CDH13: variants seen among roughly 807,000 people sequenced by gnomAD.
CDH13 encodes the protein cadherin 13, also known as cadherin-13.
In CDH13, 24 loss-of-function variants were observed where a neutral mutation model predicts 63.8. The ratio of observed to expected loss-of-function variants is 0.38; its 90% CI spans 0.27 to 0.53. The LOEUF (loss-of-function observed/expected upper bound fraction) is 0.53. Ranked by LOEUF, CDH13 falls within the 20% of genes least tolerant of loss-of-function variation. The pLI, the probability that CDH13 is intolerant of heterozygous loss-of-function variation, is 0.85. For synonymous variants in CDH13, 503 were observed against 355.3 expected (o/e 1.42, Z -4.67); for missense variants, 1,049 against 903.1 (o/e 1.16, Z -2.07).
At chr16:83,421,810 T>A (rs1384517885) in intron 6 of CDH13, among the ~76,000 whole-genome samples, 2 of 152,218 alleles carry the variant, frequency 1.3e-5, no homozygotes, top group African/African-American at 4.8e-5. Context: ...ACATCAGTGT[T>A]CTTTCAGACA....
intron 2 of CDH13, among the ~76,000 whole-genome samples, chr16:82,930,513 A>C (rs954747073): frequency 6.6e-6 from 1 of 152,164 alleles, no homozygotes; most frequent in Admixed American, 6.5e-5. Context: ...TGCCAAATAT[A>C]GATACATATC....
intron 13 of CDH13, among the ~76,000 whole-genome samples, chr16:83,791,015 A>G (rs1194481829): frequency 6.6e-6 from 1 of 152,164 alleles, no homozygotes; most frequent in Non-Finnish European, 1.5e-5. Flanking sequence ...GACACAATAA[A>G]GAAATTTAAA....
intron 2 of CDH13, among the ~76,000 whole-genome samples, chr16:82,961,126 C>T (rs779817259): frequency 3.3e-5 from 5 of 152,270 alleles, no homozygotes; most frequent in African/African-American, 7.2e-5. Flanking sequence ...GGCGCCAGCA[C>T]GGAGCAGCTG....
At chr16:83,680,306 G>A (rs1567510849) in intron 10 of CDH13, among the ~76,000 whole-genome samples, 1 of 152,164 alleles carries the variant, frequency 6.6e-6, no homozygotes, top group African/African-American at 2.4e-5. Context: ...CCTGCTCCAG[G>A]CACCTTGGCT....
At chr16:82,768,755 G>A (rs748440906) in intron 1 of CDH13, among the ~76,000 whole-genome samples, 10 of 152,166 alleles carry the variant, frequency 6.6e-5, no homozygotes, top group Admixed American at 2.0e-4. Flanking sequence ...TGAACATCAG[G>A]CTCTGACCTC....
intron 4 of CDH13, among the ~76,000 whole-genome samples, chr16:83,201,419 C>T (rs1032435690): frequency 2.3e-4 from 34 of 149,636 alleles, no homozygotes; most frequent in Non-Finnish European, 4.3e-4. Context: ...ATAAGGTGGC[C>T]AGGGAAGTCC....
At chr16:83,343,487 T>C (rs570181341) in intron 5 of CDH13, among the ~76,000 whole-genome samples, 3 of 152,320 alleles carry the variant, frequency 2.0e-5, no homozygotes, top group Admixed American at 6.5e-5. Context: ...TCAGGAGTGG[T>C]ATAAAAACGG....
intron 5 of CDH13, among the ~76,000 whole-genome samples, chr16:83,323,235 T>TTCC (rs2090279144): frequency 2.9e-4 from 41 of 140,970 alleles, no homozygotes; most frequent in African/African-American, 1.1e-3. Flanking sequence ...TCTTTCTTTC[T>TTCC]TTCTTTCCTT....
chr16:83,288,414 G>A (rs917426406), intron 5 of CDH13, among the ~76,000 whole-genome samples: 2 of 152,210 alleles, frequency 1.3e-5, no homozygotes, highest in East Asian at 1.9e-4. Flanking sequence ...TAGGCATAAA[G>A]CCTATTGCTT....
intron 5 of CDH13, among the ~76,000 whole-genome samples, chr16:83,304,108 G>A (rs1037238003): frequency 5.3e-5 from 8 of 152,182 alleles, no homozygotes; most frequent in Admixed American, 1.3e-4. Flanking sequence ...GACTATGGGG[G>A]TAGCGCAGAG....
intron 1 of CDH13, among the ~76,000 whole-genome samples, chr16:82,830,101 C>G (rs551969954): frequency 6.6e-6 from 1 of 151,882 alleles, no homozygotes; most frequent in East Asian, 1.9e-4. Context: ...TTTTTTTCCC[C>G]CAGATGAGGG....
intron 5 of CDH13, among the ~76,000 whole-genome samples, chr16:83,235,458 C>T (rs1362512610): frequency 2.6e-5 from 4 of 152,178 alleles, no homozygotes; most frequent in Non-Finnish European, 4.4e-5. Context: ...CAGCTGGAAT[C>T]GTGGCATGTC....
intron 2 of CDH13, among the ~76,000 whole-genome samples, chr16:82,942,130 A>G (rs1313494804): frequency 6.6e-6 from 1 of 152,178 alleles, no homozygotes; most frequent in Non-Finnish European, 1.5e-5. Flanking sequence ...CCAAGGTCAC[A>G]GACATTCTCC....
chr16:83,562,247 G>A (rs890786074), intron 7 of CDH13, among the ~76,000 whole-genome samples: 1 of 152,162 alleles, frequency 6.6e-6, no homozygotes, highest in Non-Finnish European at 1.5e-5. Context: ...TCAAATTCTT[G>A]ATTGTGTTAG....
At chr16:83,402,964 C>G (rs2091989914) in intron 6 of CDH13, among the ~76,000 whole-genome samples, 1 of 152,030 alleles carries the variant, frequency 6.6e-6, no homozygotes, top group African/African-American at 2.4e-5. Flanking sequence ...ACAATCTGCC[C>G]TTCAGGAGGA....
intron 10 of CDH13, among the ~76,000 whole-genome samples, chr16:83,706,208 C>T (rs751379606): frequency 6.6e-6 from 1 of 152,196 alleles, no homozygotes; most frequent in Admixed American, 6.5e-5. Context: ...CTCCACGAGG[C>T]CTGGGCTCTC....
At chr16:83,561,179 G>A (rs1257561347) in intron 7 of CDH13, among the ~76,000 whole-genome samples, 1 of 152,054 alleles carries the variant, frequency 6.6e-6, no homozygotes, top group Non-Finnish European at 1.5e-5. Flanking sequence ...GGGCGCAGTG[G>A]CTCACACATA....
At chr16:83,327,929 G>A (rs183922132) in intron 5 of CDH13, among the ~76,000 whole-genome samples, 8 of 152,118 alleles carry the variant, frequency 5.3e-5, no homozygotes, top group Non-Finnish European at 1.0e-4. Context: ...TCAGGAGATC[G>A]AGACCATCCT....
At chr16:83,385,228 T>G (rs371757064) in intron 6 of CDH13, among the ~76,000 whole-genome samples, 6 of 152,372 alleles carry the variant, frequency 3.9e-5, no homozygotes, top group African/African-American at 1.4e-4. Flanking sequence ...AATCATTGTT[T>G]CCATTAAATA....
Sources: allele counts gnomAD v4.1 joint callset (sites outside exome capture counted in the v4.1 genomes callset), GRCh38; gene constraint gnomAD v4.1.1; transcripts MANE v1.5; gene names NCBI Gene and HGNC (gene_info 2026-07-23, HGNC 2026-07-21).